Variants in ARHGEF10L observed in about 807,000 individuals in gnomAD.
The protein encoded by ARHGEF10L is Rho guanine nucleotide exchange factor 10 like.
Under a neutral mutation model 141.2 loss-of-function variants are expected in ARHGEF10L, and 69 were observed. That is an observed-to-expected ratio of 0.49 (90% CI 0.40 to 0.60). ARHGEF10L has a LOEUF of 0.60. Among genes scored for constraint, ARHGEF10L ranks in the 20% least tolerant of loss-of-function variants. The pLI is 0.00. For missense variants in ARHGEF10L, 1,482 were observed against 1,734.3 expected (o/e 0.85, Z 2.58); for synonymous variants, 711 against 718.5 (o/e 0.99, Z 0.17).
At chr1:17,568,231 CA>C (rs140311092) in intron 1 of ARHGEF10L, among the ~76,000 whole-genome samples, 3,045 of 152,324 alleles carry the variant, frequency 0.02, 99 homozygotes, top group African/African-American at 0.069. Context: ...ATTCATTCAA[CA>C]AACATTTATT....
intron 2 of ARHGEF10L, among the ~76,000 whole-genome samples, chr1:17,581,080 C>T (rs11203424): frequency 0.59 from 89,681 of 151,784 alleles, 30,133 homozygotes; most frequent in Non-Finnish European, 0.73. Flanking sequence ...TTTGGGAGGC[C>T]GAGGCGGGCA....
rs1304068635 is a variant in ARHGEF10L at position 17,615,380 on chromosome 1, G to C, written c.727-714G>C. The C allele has an allele frequency of 6.6e-6, 1 of 152,244 alleles. No individual in the cohort carries two copies. Among genetic ancestry groups the C allele is most frequent in the East Asian group, 1.9e-4 (1 of 5,180 alleles). 9.4% of individuals were successfully genotyped at this position (152,244 alleles called of 1,614,324 possible). A position where few individuals can be genotyped will look rare whatever the true frequency, so the allele number is the denominator to read the frequency against. Reference sequence around the variant, plus strand: ...GCGGTCTCCTTACGTCTCATGTTCTGCTTAGCTTGCTACGCTCGTGTCCAT... The same window carrying C: ...GCGGTCTCCTTACGTCTCATGTTCTCCTTAGCTTGCTACGCTCGTGTCCAT... On this transcript the variant is annotated intron_variant, in intron 8 of 28. Coordinates refer to ENST00000361221, the MANE Select transcript of ARHGEF10L (RefSeq NM_018125.4). This position sits in a 1 kb window ranked among gnomAD's most constrained non-coding sequence, Gnocchi z 4.7.
At chr1:17,537,946 C>A (rs771795680), upstream of ARHGEF10L, among the ~76,000 whole-genome samples, 10 of 151,876 alleles carry the variant, frequency 6.6e-5, no homozygotes, top group Non-Finnish European at 1.2e-4. Context: ...ACCACCATGC[C>A]CGCACCTGTA....
intron 22 of ARHGEF10L, among the ~76,000 whole-genome samples, chr1:17,652,222 A>G (rs1447052642): frequency 6.6e-6 from 1 of 152,074 alleles, no homozygotes; most frequent in African/African-American, 2.4e-5. Context: ...CTTTCCTTCA[A>G]GGGATCAGGG....
chr1:17,550,956 C>A (rs531207171), intron 1 of ARHGEF10L, among the ~76,000 whole-genome samples: 3 of 151,938 alleles, frequency 2.0e-5, no homozygotes, highest in African/African-American at 7.3e-5. Flanking sequence ...CTGGTCCTCA[C>A]GATAAGTCTG....
the ARHGEF10L span, among the ~76,000 whole-genome samples, chr1:17,531,155 A>T: frequency 6.6e-6 from 1 of 152,246 alleles, no homozygotes; most frequent in Non-Finnish European, 1.5e-5. Flanking sequence ...TGGGGGCATC[A>T]TCAGCACAGG....
At chr1:17,520,435 G>T in the ARHGEF10L span, among the ~76,000 whole-genome samples, 4 of 152,250 alleles carry the variant, frequency 2.6e-5, no homozygotes, top group African/African-American at 9.6e-5. Context: ...CCGGAGGACT[G>T]CGATTGGACT....
chr1:17,584,226 G>A (rs973778021), intron 2 of ARHGEF10L, among the ~76,000 whole-genome samples: 1 of 151,930 alleles, frequency 6.6e-6, no homozygotes, highest in Admixed American at 6.6e-5. Context: ...CTCATTTTTA[G>A]TAGAGACAAG....
intron 1 of ARHGEF10L, among the ~76,000 whole-genome samples, chr1:17,563,305 G>A (rs890115704): frequency 2.0e-5 from 3 of 151,790 alleles, no homozygotes; most frequent in Non-Finnish European, 2.9e-5. Context: ...CGCCATCTTG[G>A]CTCACTGCAC....
chr1:17,647,925 G>C (rs901386541), intron 21 of ARHGEF10L, among the ~76,000 whole-genome samples: 6 of 152,300 alleles, frequency 3.9e-5, no homozygotes, highest in Middle Eastern at 3.4e-3. Context: ...TTAGGCATCT[G>C]TACTTGTAAC....
intron 18 of ARHGEF10L, among the ~76,000 whole-genome samples, chr1:17,636,079 C>T (rs1400286667): frequency 6.6e-6 from 1 of 152,190 alleles, no homozygotes; most frequent in African/African-American, 2.4e-5. Context: ...CACGTGCCTT[C>T]CTCGGAGGCA....
the ARHGEF10L span, among the ~76,000 whole-genome samples, chr1:17,522,564 T>A: frequency 8.6e-5 from 12 of 138,850 alleles, no homozygotes; most frequent in Admixed American, 7.1e-4. Context: ...TCCAGAGAAA[T>A]CCTCGTCGGG....
At chr1:17,596,100 C>G (rs111745855) in intron 4 of ARHGEF10L, among the ~76,000 whole-genome samples, 2,314 of 152,328 alleles carry the variant, frequency 0.015, 22 homozygotes, top group Middle Eastern at 0.044. Flanking sequence ...CATGCTGCAG[C>G]CTGCAGGGAG....
chr1:17,630,458 G>A (rs1310667121), intron 15 of ARHGEF10L, among the ~76,000 whole-genome samples: 1 of 152,232 alleles, frequency 6.6e-6, no homozygotes, highest in Non-Finnish European at 1.5e-5. Flanking sequence ...GGTCTCTTGA[G>A]TTGGCGTTTG....
At chr1:17,596,189 T>C (rs2080083349) in intron 4 of ARHGEF10L, among the ~76,000 whole-genome samples, 1 of 152,214 alleles carries the variant, frequency 6.6e-6, no homozygotes, top group African/African-American at 2.4e-5. Context: ...CTGCTGACTC[T>C]AGTGGGCCGC....
intron 4 of ARHGEF10L, among the ~76,000 whole-genome samples, chr1:17,589,853 C>T (rs917924765): frequency 7.2e-5 from 11 of 152,138 alleles, no homozygotes; most frequent in East Asian, 1.9e-4. Context: ...CAGAGACGGA[C>T]GCCCAGGGAG....
chr1:17,550,650 G>GA (rs58121017), intron 1 of ARHGEF10L, among the ~76,000 whole-genome samples: 119,599 of 143,444 alleles, frequency 0.83, 50,132 homozygotes, highest in African/African-American at 0.93. Context: ...TCTCAAAAAC[G>GA]AAAAAAAAAA....
chr1:17,602,799 T>C (rs2080816589), intron 5 of ARHGEF10L, among the ~76,000 whole-genome samples: 1 of 151,998 alleles, frequency 6.6e-6, no homozygotes, highest in Admixed American at 6.6e-5. Context: ...GGAAGGCCAG[T>C]GATGTGGCTG....
intron 1 of ARHGEF10L, among the ~76,000 whole-genome samples, chr1:17,579,205 G>C (rs1244562819): frequency 6.6e-6 from 1 of 152,168 alleles, no homozygotes; most frequent in Non-Finnish European, 1.5e-5. Context: ...ATTTTTAGTA[G>C]AGATGGAGTT....
Sources: gnomAD v4.1 joint callset for allele counts (sites outside exome capture counted in the v4.1 genomes callset) on GRCh38, gnomAD v4.1.1 for gene constraint, Gnocchi (gnomAD v3.1) non-coding constraint, MANE v1.5 for transcripts, NCBI Gene and HGNC (gene_info 2026-07-23, HGNC 2026-07-21) for gene names.